The following ACO1 variants were observed in gnomAD, a reference collection of about 807,000 sequenced individuals.
ACO1 encodes cytoplasmic aconitate hydratase.
A neutral mutation model predicts 105.1 loss-of-function variants in ACO1; 78 were observed. The observed-to-expected ratio is 0.74, with a 90% confidence interval of 0.62 to 0.90. The LOEUF (loss-of-function observed/expected upper bound fraction) is 0.90, where lower values mean the gene tolerates loss of function less well. Among genes scored for constraint, ACO1 ranks in the 40% least tolerant of loss-of-function variants. ACO1 has a pLI of 0.00. For synonymous variants in ACO1, 364 were observed against 397.4 expected (o/e 0.92, Z 1.00); for missense variants, 965 against 1,111.1 (o/e 0.87, Z 1.87).
Position 32,399,966 on chromosome 9 carries a change from GTTTTTTTT to G in ACO1, c.-22-5504_-22-5497del, listed in dbSNP as rs57615512. ...ATTTCTTTTATTTTTTTCTTTTTCT[GTTTTTTTT>G]TTTTTTTTTTTTTTGCGATGGAGTC... On this transcript the variant is annotated intron_variant, in intron 1 of 20. Coordinates refer to ENST00000309951, the MANE Select transcript of ACO1 (RefSeq NM_002197.3). Among the ~76,000 whole-genome samples the G allele has an allele frequency of 5.7e-5, 4 of 69,824 alleles. No individual in the cohort carries two copies. The South Asian group carries it at 2.3e-3, about 41-fold the overall frequency. 45.8% of individuals were successfully genotyped at this position (69,824 alleles called of 152,430 possible).
rs373434299 is a variant in ACO1, at chr9:32,429,518, C to G, written c.1569+15C>G. 1.1e-5 allele frequency: 18 copies of G among 1,606,684 alleles called. No homozygotes were observed. Among genetic ancestry groups the G allele is most frequent in the Non-Finnish European group, 1.4e-5 (16 of 1,174,794 alleles). ...CCATCACACAGGTAATTGCAGAGGT[C>G]CCTGCAGGTCTTCAGAGCAGTTGTT... On this transcript the variant is annotated intron_variant, in intron 13 of 20. Coordinates refer to ENST00000309951, the MANE Select transcript of ACO1 (RefSeq NM_002197.3).
rs772408884 is a variant in ACO1, at chr9:32,384,649, G to A, written c.-109G>A. Reference sequence around the variant, plus strand: ...CGAGAGGGGGCGGAGCGTGGAGGCGGCAGCTGGAACCGCGCAGCGCACGGG... The same window carrying A: ...CGAGAGGGGGCGGAGCGTGGAGGCGACAGCTGGAACCGCGCAGCGCACGGG... On this transcript the variant is annotated 5_prime_UTR_variant, in exon 1 of 21. Coordinates refer to ENST00000309951, the MANE Select transcript of ACO1 (RefSeq NM_002197.3). 2 of 386,760 alleles carry A rather than the reference G, an allele frequency of 5.2e-6. No individual in the cohort carries two copies. Among genetic ancestry groups the A allele is most frequent in the South Asian group, 1.7e-5 (1 of 57,240 alleles). 24.0% of individuals were successfully genotyped at this position (386,760 alleles called of 1,614,324 possible).
At chr9:32,395,906 T>C (rs1460743625) in intron 1 of ACO1, among the ~76,000 whole-genome samples, 1 of 152,248 alleles carries the variant, frequency 6.6e-6, no homozygotes, top group African/African-American at 2.4e-5. Context: ...GTGTTAAGTC[T>C]TTCTCTTTGA....
chr9:32,452,039 G>A lies in ACO1; in HGVS notation c.*1928G>A, dbSNP rs915099190. The stretch of plus-strand genomic sequence containing the variant: ...AGATCGTGCCATTGCACGCCCGCCT[G>A]GGCTACAAGAGCAAAGCTCCGTCTC... On this transcript the variant is annotated 3_prime_UTR_variant, in exon 21 of 21. Coordinates refer to ENST00000309951, the MANE Select transcript of ACO1 (RefSeq NM_002197.3). 2 of 151,276 alleles carry A rather than the reference G, an allele frequency of 1.3e-5. No individual in the cohort carries two copies. Among genetic ancestry groups the A allele is most frequent in the Admixed American group, 6.6e-5 (1 of 15,214 alleles). 9.4% of individuals were successfully genotyped at this position (151,276 alleles called of 1,614,324 possible).
chr9:32,431,578 G>A (rs1822235794), intron 14 of ACO1, 141 bp from the exon 15 acceptor site: 8 of 842,040 alleles, frequency 9.5e-6, no homozygotes, highest in Middle Eastern at 6.0e-4. Context: ...TCCTCCAGTG[G>A]CAGTGATTCC....
At chr9:32,404,663 G>A (rs1821567842) in intron 1 of ACO1, among the ~76,000 whole-genome samples, 2 of 152,070 alleles carry the variant, frequency 1.3e-5, no homozygotes, top group African/African-American at 4.8e-5. Context: ...CACATACACA[G>A]GTCTCTTCCT....
At position 32,450,121 on chromosome 9, in the gene ACO1, A is replaced by G; in HGVS notation, c.*10A>G. ...CAAGATGGCCAAGTAGGAGACGTGCACTTGGTGCTGCGCCCAGGGAGGAAG... is the reference window on the plus strand; with the variant it reads ...CAAGATGGCCAAGTAGGAGACGTGCGCTTGGTGCTGCGCCCAGGGAGGAAG... On this transcript the variant is annotated 3_prime_UTR_variant, in exon 21 of 21. Coordinates refer to ENST00000309951, the MANE Select transcript of ACO1 (RefSeq NM_002197.3). The G allele has an allele frequency of 6.2e-7, 1 of 1,606,942 alleles. No homozygotes were observed. Among genetic ancestry groups the G allele is most frequent in the Non-Finnish European group, 8.5e-7 (1 of 1,174,490 alleles).
At chr9:32,395,121 C>G (rs1821345563) in intron 1 of ACO1, among the ~76,000 whole-genome samples, 1 of 152,192 alleles carries the variant, frequency 6.6e-6, no homozygotes, top group East Asian at 1.9e-4. Context: ...ACTGGACCTG[C>G]TTTGTAATAC....
chr9:32,407,478 C>G, intron 3 of ACO1, 49 bp downstream of exon 3: 2 of 1,553,032 alleles, frequency 1.3e-6, no homozygotes, highest in Non-Finnish European at 8.7e-7. Flanking sequence ...ATTAGCCTTT[C>G]AAGAAAGTTT....
Position 32,419,107 on chromosome 9 carries a change from T to C in ACO1, c.728T>C (p.Ile243Thr), listed in dbSNP as rs765633870. 3 of 1,610,206 alleles carry C rather than the reference T, an allele frequency of 1.9e-6. No homozygotes were observed. In the East Asian group the frequency reaches 6.7e-5, roughly 36 times the overall value. The change falls in exon 7 of 21, where the codon ATT becomes ACT. Residue 243 changes from isoleucine (I) to threonine (T), a missense_variant. Transcript: ENST00000309951. ...ATCAGTATGGTGCTTCCTCAGGTGA[T>C]TGGCTACAGGCTGATGGGGAAGCCC... ...QPISMVLPQV[I>T]GYRLMGKPHP...
chr9:32,425,838 C>T lies in ACO1; in HGVS notation c.1189C>T (p.Gln397Ter). Residue 397 changes from glutamine (Q) to a stop codon, truncating the protein, a stop_gained and splice_region_variant, in exon 11 of 21, where the codon CAA becomes TAA. Transcript: ENST00000309951. LOFTEE classifies it high-confidence loss of function. Reference protein sequence around the residue: ...KDFESCLGAKQGFKGFQVAPE... With the variant: ...KDFESCLGAK ...TAATATACATTTTTTCTTCCTTTAGCAAGGATTTAAAGGATTCCAAGTTGC... is the reference window on the plus strand; with the variant it reads ...TAATATACATTTTTTCTTCCTTTAGTAAGGATTTAAAGGATTCCAAGTTGC... 1 of 1,605,532 alleles carries T rather than the reference C, an allele frequency of 6.2e-7. No homozygotes were observed. Among genetic ancestry groups the T allele is most frequent in the Non-Finnish European group, 8.5e-7 (1 of 1,174,084 alleles).
rs117242326 is a variant in ACO1 at position 32,441,353 on chromosome 9, A to G, written c.2370+766A>G. 9.1e-4 allele frequency among the ~76,000 whole-genome samples: 139 copies of G among 152,270 alleles called. 3 individuals carry two copies. In the East Asian group the frequency reaches 0.019, roughly 21 times the overall value. ...CCTGAATCTTCAGGGTGGGGTACAC[A>G]TGGCTTACCTGATGTCAATTTAAAT... On this transcript the variant is annotated intron_variant, in intron 19 of 20. Transcript: ENST00000309951.
rs1822829752 is a variant in ACO1, at chr9:32,454,226, A to C, written c.*4115A>C. ...CTGTTTGCAGGGAAGGTGGCAGCAA[A>C]TGGCACAGAAACCCACCTGACCACA... On this transcript the variant is annotated 3_prime_UTR_variant, in exon 21 of 21. Transcript: ENST00000309951. The C allele has an allele frequency of 1.3e-5, 2 of 152,300 alleles. No individual in the cohort carries two copies. Among genetic ancestry groups the C allele is most frequent in the African/African-American group, 2.4e-5 (1 of 41,468 alleles). 9.4% of individuals were successfully genotyped at this position (152,300 alleles called of 1,614,324 possible). A position where few individuals can be genotyped will look rare whatever the true frequency, so the allele number is the denominator to read the frequency against.
At chr9:32,445,472 T>G (rs931020449) in intron 19 of ACO1, 1 of 174,684 alleles carries the variant, frequency 5.7e-6, no homozygotes, top group African/African-American at 2.4e-5. Context: ...CCTTTATCAT[T>G]TTTTATTGCC....
Position 32,427,383 on chromosome 9 carries a change from G to T in ACO1, c.1431G>T (p.Val477=). Residue 477 remains valine (V), a synonymous_variant, in exon 12 of 21, where the codon GTG becomes GTT. Transcript: ENST00000309951. ...IKTSLSPGSG[V]VTYYLQESGV... ...CTAGCCTGTCTCCTGGGAGTGGCGT[G>T]GTCACCTACTACCTACAAGAAAGCG... 1 of 1,614,190 alleles carries T rather than the reference G, an allele frequency of 6.2e-7. No homozygotes were observed. The highest frequency in any genetic ancestry group is 8.5e-7 in the Non-Finnish European group (1 of 1,180,024).
At chr9:32,393,233 T>C (rs1563927242) in intron 1 of ACO1, among the ~76,000 whole-genome samples, 1 of 152,202 alleles carries the variant, frequency 6.6e-6, no homozygotes, top group Non-Finnish European at 1.5e-5. Flanking sequence ...GAATTGTTTT[T>C]CTCAGCAAGG....
At chr9:32,386,210 G>C (rs1821153304) in intron 1 of ACO1, among the ~76,000 whole-genome samples, 1 of 152,224 alleles carries the variant, frequency 6.6e-6, no homozygotes, top group African/African-American at 2.4e-5. Context: ...TCCTGTGAGA[G>C]TTACCAAGTA....
intron 18 of ACO1, among the ~76,000 whole-genome samples, chr9:32,440,217 G>A (rs1822445732): frequency 6.6e-6 from 1 of 151,326 alleles, no homozygotes; most frequent in African/African-American, 2.4e-5. Context: ...GCAGTGAGCT[G>A]AGATCGTGCC....
chr9:32,450,214 C>T lies in ACO1; in HGVS notation c.*103C>T, dbSNP rs1563952109. ...TGGCTGCCTCTGGGAGGGGTGCTGC[C>T]TTGTAGATGGAGCAAGTGAGCACTG... On this transcript the variant is annotated 3_prime_UTR_variant, in exon 21 of 21. Transcript: ENST00000309951. 1 of 885,186 alleles carries T rather than the reference C, an allele frequency of 1.1e-6. No individual in the cohort carries two copies. The highest frequency in any genetic ancestry group is 1.9e-6 in the Non-Finnish European group (1 of 519,694). 54.8% of individuals were successfully genotyped at this position (885,186 alleles called of 1,614,324 possible). A position where few individuals can be genotyped will look rare whatever the true frequency, so the allele number is the denominator to read the frequency against.
Sources: allele counts gnomAD v4.1 joint callset (sites outside exome capture counted in the v4.1 genomes callset), GRCh38; gene constraint gnomAD v4.1.1; transcripts MANE v1.5; gene names NCBI Gene and HGNC (gene_info 2026-07-23, HGNC 2026-07-21).